Variants in CDK1 observed in about 807,000 individuals in gnomAD.
CDK1 encodes the protein cyclin dependent kinase 1.
A neutral mutation model predicts 34.6 loss-of-function variants in CDK1; 5 were observed. The observed-to-expected ratio is 0.14, with a 90% confidence interval of 0.08 to 0.30. The LOEUF (loss-of-function observed/expected upper bound fraction) is 0.30, where lower values mean the gene tolerates loss of function less well. Among genes scored for constraint, CDK1 ranks in the 10% least tolerant of loss-of-function variants. CDK1 has a pLI of 1.00. For synonymous variants in CDK1, 108 were observed against 114.7 expected (o/e 0.94, Z 0.37); for missense variants, 157 against 345.7 (o/e 0.45, Z 4.33).
In CDK1 at chr10:60,794,182, A is replaced by T. The variant is rs1389036684; in HGVS notation, c.*207A>T. The T allele has an allele frequency of 2.9e-6, 1 of 343,454 alleles. No homozygotes were observed. Among genetic ancestry groups the T allele is most frequent in the Non-Finnish European group, 5.1e-6 (1 of 194,428 alleles). The allele number at this position is 343,454 out of a possible 1,614,324, so 21.3% of individuals were successfully genotyped here. ...TGTAAATGTGTGTAGGTCTCACTGTAACAACTATTTGTTACTATAATAAAA... is the reference window on the plus strand; with the variant it reads ...TGTAAATGTGTGTAGGTCTCACTGTTACAACTATTTGTTACTATAATAAAA... On this transcript the variant is annotated 3_prime_UTR_variant, in exon 8 of 8. Coordinates refer to ENST00000395284, the MANE Select transcript of CDK1 (RefSeq NM_001786.5).
chr10:60,780,180 C>T lies in CDK1; in HGVS notation c.15C>T (p.Thr5=). 6.5e-7 allele frequency: 1 copy of T among 1,538,016 alleles called. No individual in the cohort carries two copies. The highest frequency in any genetic ancestry group is 2.3e-5 in the East Asian group (1 of 44,396). ...ATTGACTAACTATGGAAGATTATAC[C>T]AAAATAGAGAAAATTGGAGAAGGTG... MEDY[T]KIEKIGEGTY... The change falls in exon 2 of 8, where the codon ACC becomes ACT. Residue 5 remains threonine (T), a synonymous_variant. Transcript: ENST00000395284.
At position 60,794,571 on chromosome 10, in the gene CDK1, G is replaced by A. The variant is rs1187903555; in HGVS notation, c.*596G>A. On this transcript the variant is annotated 3_prime_UTR_variant, in exon 8 of 8. Transcript: ENST00000395284. ...CTAACATGAGAGCATGCCAAAATTT[G>A]CTAAGTCTTACAAAGATCAAGGGCT... The A allele has an allele frequency of 6.6e-6, 1 of 152,086 alleles. No individual in the cohort carries two copies. Among genetic ancestry groups the A allele is most frequent in the Non-Finnish European group, 1.5e-5 (1 of 67,962 alleles). The allele number at this position is 152,086 out of a possible 1,614,324, so 9.4% of individuals were successfully genotyped here.
At chr10:60,790,913 T>C (rs943635096) in intron 5 of CDK1, among the ~76,000 whole-genome samples, 7 of 152,214 alleles carry the variant, frequency 4.6e-5, no homozygotes, top group Non-Finnish European at 1.0e-4. Flanking sequence ...AATATCATGA[T>C]GTTTCGGTTA....
At chr10:60,784,211 C>G (rs934456343) in intron 2 of CDK1, among the ~76,000 whole-genome samples, 2 of 152,108 alleles carry the variant, frequency 1.3e-5, no homozygotes, top group African/African-American at 4.8e-5. Flanking sequence ...TATTTTTAAG[C>G]CATACAGATT....
At position 60,786,826 on chromosome 10, in the gene CDK1, C is replaced by T. The variant is rs548569487; in HGVS notation, c.318+1039C>T. 1.2e-4 allele frequency: 112 copies of T among 935,610 alleles called. 1 individual carries two copies. In the African/African-American group the frequency reaches 1.9e-3, roughly 16 times the overall value. The allele number at this position is 935,610 out of a possible 1,614,324, so 58.0% of individuals were successfully genotyped here. A position where few individuals can be genotyped will look rare whatever the true frequency, so the allele number is the denominator to read the frequency against. On this transcript the variant is annotated intron_variant, in intron 4 of 7. Coordinates refer to ENST00000395284, the MANE Select transcript of CDK1 (RefSeq NM_001786.5). ...CACTTCATATTTAGCTATTATAAAC[C>T]GCCTATATTTTCGTTAGGATACGTT...
chr10:60,790,905 TATC>T (rs1474329873), intron 5 of CDK1, among the ~76,000 whole-genome samples: 3 of 152,198 alleles, frequency 2.0e-5, no homozygotes, highest in Non-Finnish European at 4.4e-5. Flanking sequence ...TTTATACTAA[TATC>T]ATGATGTTTC....
At chr10:60,790,457 G>T (rs907841419) in intron 5 of CDK1, among the ~76,000 whole-genome samples, 5 of 152,102 alleles carry the variant, frequency 3.3e-5, no homozygotes, top group Non-Finnish European at 2.9e-5. Flanking sequence ...ATATTTCCCA[G>T]ACTGTTCTCG....
At chr10:60,790,183 TATTCTGTTC>T (rs1277293600) in intron 5 of CDK1, among the ~76,000 whole-genome samples, 1 of 152,196 alleles carries the variant, frequency 6.6e-6, no homozygotes, top group Non-Finnish European at 1.5e-5. Context: ...ATTATTCTGT[TATTCTGTTC>T]ATTCTGTTTC....
chr10:60,786,782 A>G, intron 4 of CDK1: 2 of 739,552 alleles, frequency 2.7e-6, no homozygotes, highest in Non-Finnish European at 3.3e-6. Context: ...TTTTAATTTT[A>G]TATTTCATGA....
rs745479111 is a variant in CDK1, at chr10:60,780,194, T to C, written c.29T>C (p.Ile10Thr). 4 of 1,510,776 alleles carry C rather than the reference T, an allele frequency of 2.6e-6. No individual in the cohort carries two copies. Among genetic ancestry groups the C allele is most frequent in the Non-Finnish European group, 3.7e-6 (4 of 1,086,426 alleles). The allele number at this position is 1,510,776 out of a possible 1,614,324, so 93.6% of individuals were successfully genotyped here. Residue 10 changes from isoleucine to threonine, a missense_variant, in exon 2 of 8, where the codon ATT (isoleucine) becomes ACT (threonine). By Grantham distance (89) the Ile-to-Thr change is moderately conservative (BLOSUM62 -1). Around this residue, in one of 3 missense-constraint regions of CDK1, gnomAD observed 53 missense variants for 89.2 expected, o/e 0.59. Transcript: ENST00000395284. ...GAAGATTATACCAAAATAGAGAAAATTGGAGAAGGTGAGTGGTTTTAGTAA... is the reference window on the plus strand; with the variant it reads ...GAAGATTATACCAAAATAGAGAAAACTGGAGAAGGTGAGTGGTTTTAGTAA... Reference protein sequence around the residue: MEDYTKIEKIGEGTYGVVYK... With the variant: MEDYTKIEKTGEGTYGVVYK...
intron 5 of CDK1, among the ~76,000 whole-genome samples, chr10:60,788,539 A>G (rs1039772999): frequency 1.1e-4 from 16 of 152,122 alleles, no homozygotes; most frequent in African/African-American, 3.6e-4. Flanking sequence ...TATTTACATC[A>G]TTCCCATCCT....
In CDK1 at chr10:60,788,250, T is replaced by A. The variant is rs1353221010; in HGVS notation, c.489+20T>A. 2 of 1,499,666 alleles carry A rather than the reference T, an allele frequency of 1.3e-6. No homozygotes were observed. The highest frequency in any genetic ancestry group is 1.8e-6 in the Non-Finnish European group (2 of 1,110,810). The allele number at this position is 1,499,666 out of a possible 1,614,324, so 92.9% of individuals were successfully genotyped here. A position where few individuals can be genotyped will look rare whatever the true frequency, so the allele number is the denominator to read the frequency against. ...CATGAGGCAAGTGGAATAGTGGTTT[T>A]TGATGGCTTTTGAATGTGTGTGATT... On this transcript the variant is annotated intron_variant, in intron 5 of 7. Transcript: ENST00000395284.
At chr10:60,778,708 C>T (rs1474455459) in intron 1 of CDK1, 138 bp downstream of exon 1, 4 of 150,966 alleles carry the variant, frequency 2.6e-5, no homozygotes, top group East Asian at 4.0e-4. Flanking sequence ...CCTCGGGGGG[C>T]GGTGGGCAGG....
At chr10:60,784,636 A>G in intron 2 of CDK1, 69 bp from the exon 3 acceptor site, 6 of 1,384,486 alleles carry the variant, frequency 4.3e-6, no homozygotes, top group Non-Finnish European at 6.0e-6. Flanking sequence ...CCATAAGGAA[A>G]AAAAAAAAGA....
intron 5 of CDK1, among the ~76,000 whole-genome samples, chr10:60,790,055 A>T (rs2080348477): frequency 6.6e-6 from 1 of 151,980 alleles, no homozygotes; most frequent in African/African-American, 2.4e-5. Context: ...AGAAAGTTTT[A>T]TTCAGATTGT....
At chr10:60,783,069 T>C (rs986361837) in intron 2 of CDK1, among the ~76,000 whole-genome samples, 1 of 152,206 alleles carries the variant, frequency 6.6e-6, no homozygotes, top group Non-Finnish European at 1.5e-5. Context: ...CTAATTTTCC[T>C]GAGATCACTT....
chr10:60,778,430 C>T (rs2080241023), upstream of CDK1: 1 of 152,280 alleles, frequency 6.6e-6, no homozygotes, highest in Non-Finnish European at 1.5e-5. Flanking sequence ...ACGGGCTACC[C>T]GATTGGTGAA....
intron 7 of CDK1, 128 bp from the exon 8 acceptor site, chr10:60,793,749 T>C: frequency 1.8e-6 from 1 of 570,724 alleles, no homozygotes; most frequent in South Asian, 2.3e-5. Context: ...ATGGAAATGC[T>C]CATTTAATAG....
rs1589112177 is a variant in CDK1, at chr10:60,786,317, T to C, written c.318+530T>C. The C allele has an allele frequency of 4.2e-6, 4 of 962,246 alleles. No homozygotes were observed. The East Asian group carries it at 4.6e-4, about 111-fold the overall frequency. The allele number at this position is 962,246 out of a possible 1,614,324, so 59.6% of individuals were successfully genotyped here. On this transcript the variant is annotated intron_variant, in intron 4 of 7. Coordinates refer to ENST00000395284, the MANE Select transcript of CDK1 (RefSeq NM_001786.5). ...CTTACACTTGTATGTATGTTCACTT[T>C]GTATGTATATAAAGATTTTTTTTTT...
Sources: gnomAD v4.1 joint callset for allele counts (sites outside exome capture counted in the v4.1 genomes callset) on GRCh38, gnomAD v4.1.1 for gene constraint, gnomAD v4.1.1 regional missense constraint, MANE v1.5 for transcripts, NCBI Gene and HGNC (gene_info 2026-07-23, HGNC 2026-07-21) for gene names.